ZNF544: variants seen among roughly 807,000 people sequenced by gnomAD.
ZNF544 encodes the protein zinc finger protein 544, also known as zinc finger protein AF020591.
ZNF544 carries 10 observed loss-of-function variants against 13.5 expected under a neutral mutation model. That is an observed-to-expected ratio of 0.74 (90% CI 0.46 to 1.25). ZNF544 has a LOEUF of 1.25. ZNF544 is among the 50% of genes most tolerant of loss of function. The pLI, the probability that ZNF544 is intolerant of heterozygous loss-of-function variation, is 0.00. For missense variants in ZNF544, 896 were observed against 845.6 expected, an observed-to-expected ratio of 1.06 and a Z score of -0.74; for synonymous variants, 323 against 300.5, an observed-to-expected ratio of 1.07 and a Z score of -0.77.
chr19:58,275,991 G>C (rs562887003), intron 5 of ZNF544, among the ~76,000 whole-genome samples: 5 of 152,052 alleles, frequency 3.3e-5, no homozygotes, highest in East Asian at 1.9e-4. Context: ...TTCAAGACCA[G>C]CCTGGGCAAC....
At chr19:58,237,922 G>C (rs918904591) in intron 3 of ZNF544, among the ~76,000 whole-genome samples, 7 of 152,182 alleles carry the variant, frequency 4.6e-5, no homozygotes, top group African/African-American at 1.7e-4. Flanking sequence ...ACTGACAGAC[G>C]TCACAAGGTC....
chr19:58,251,232 TTAAAG>T (rs1317520953), intron 6 of ZNF544: 2 of 499,338 alleles, frequency 4.0e-6, no homozygotes, highest in Non-Finnish European at 8.0e-6. Flanking sequence ...ATTATCCAGT[TTAAAG>T]TAACTAAGCA....
downstream of ZNF544, among the ~76,000 whole-genome samples, chr19:58,265,749 G>A (rs2049787150): frequency 6.6e-6 from 1 of 151,670 alleles, no homozygotes; most frequent in African/African-American, 2.4e-5. Context: ...GTGACATGAA[G>A]CCTGGCTAAA....
chr19:58,241,179 A>AAATATATATATATATTT (rs2043656946), intron 3 of ZNF544, among the ~76,000 whole-genome samples: 4 of 72,768 alleles, frequency 5.5e-5, no homozygotes, highest in African/African-American at 2.4e-4. Flanking sequence ...ATATATATAT[A>AAATATATATATATATTT]TTTTTTTTTT....
intron 6 of ZNF544, among the ~76,000 whole-genome samples, chr19:58,256,276 T>C (rs551109684): frequency 6.6e-6 from 1 of 152,128 alleles, no homozygotes; most frequent in Non-Finnish European, 1.5e-5. Context: ...TTGTGTTCTT[T>C]TACTTTTTTT....
At chr19:58,274,373 G>C (rs379075) in intron 5 of ZNF544, among the ~76,000 whole-genome samples, 47,550 of 151,912 alleles carry the variant, frequency 0.31, 8,833 homozygotes, top group Middle Eastern at 0.46. Flanking sequence ...CAGAAATTTG[G>C]AGACAGACAA....
intron 5 of ZNF544, chr19:58,276,246 G>A: frequency 1.5e-6 from 1 of 655,130 alleles, no homozygotes; most frequent in Non-Finnish European, 2.2e-6. Flanking sequence ...TTGCACACCT[G>A]CCCCTACCTC....
intron 4 of ZNF544, among the ~76,000 whole-genome samples, chr19:58,244,981 C>G (rs2044776230): frequency 6.6e-6 from 1 of 151,750 alleles, no homozygotes; most frequent in Admixed American, 6.6e-5. Context: ...CGGAGTCTCG[C>G]TCTGTTGCCC....
rs554573220 is a variant in ZNF544 at position 58,244,828 on chromosome 19, C to T, written c.33+772C>T. ...CTGGACTCAAGAGATGCTTCAGCCTCGGCCTCCCAAAGTGCTGGAATCACA... is the reference window on the plus strand; with the variant it reads ...CTGGACTCAAGAGATGCTTCAGCCTTGGCCTCCCAAAGTGCTGGAATCACA... On this transcript the variant is annotated intron_variant, in intron 4 of 6. Transcript: ENST00000687789. 7.2e-5 allele frequency among the ~76,000 whole-genome samples: 11 copies of T among 152,302 alleles called. No individual in the cohort carries two copies. The East Asian group carries it at 1.9e-3, about 27-fold the overall frequency.
chr19:58,274,162 T>C (rs532273669), intron 5 of ZNF544, among the ~76,000 whole-genome samples: 2 of 151,852 alleles, frequency 1.3e-5, no homozygotes, highest in East Asian at 3.9e-4. Context: ...CGGAAAAAAA[T>C]TAATATATTT....
chr19:58,260,981 G>A lies in ZNF544; in HGVS notation c.375G>A (p.Val125=). Residue 125 remains valine (V), a synonymous_variant, in exon 7 of 7, where the codon GTG becomes GTA. Coordinates refer to ENST00000687789, the MANE Select transcript of ZNF544 (RefSeq NM_014480.4). ...EEPPSLVLGK[V]QDQSNQLREH... ...CACCCTCTTTGGTATTAGGAAAAGT[G>A]CAAGATCAGAGCAACCAGTTAAGGG... 2 of 1,614,190 alleles carry A rather than the reference G, an allele frequency of 1.2e-6. No individual in the cohort carries two copies. Among genetic ancestry groups the A allele is most frequent in the South Asian group, 1.1e-5 (1 of 91,084 alleles).
rs1160431165 is a variant in ZNF544 at position 58,276,308 on chromosome 19, C to T, written c.245-15C>T. The T allele has an allele frequency of 2.5e-6, 3 of 1,222,702 alleles. No homozygotes were observed. The African/African-American group carries it at 4.7e-5, about 19-fold the overall frequency. The allele number at this position is 1,222,702 out of a possible 1,614,324, so 75.7% of individuals were successfully genotyped here. ...GGAAGGCAATAGATCCTCCTAGTAC[C>T]TTCTCTGCCTACAGAGAAGGGGATG... is the stretch of plus-strand genomic sequence containing the variant. On this transcript the variant is annotated splice_polypyrimidine_tract_variant and intron_variant, in intron 5 of 6. Transcript: ENST00000595981.
intron 6 of ZNF544, among the ~76,000 whole-genome samples, chr19:58,249,508 CA>C (rs2147196873): frequency 6.6e-6 from 1 of 152,222 alleles, no homozygotes; most frequent in East Asian, 1.9e-4. Flanking sequence ...GTCCAAAAAC[CA>C]AGGCAAGTAT....
chr19:58,266,246 C>T (rs369600433), downstream of ZNF544, among the ~76,000 whole-genome samples: 31 of 119,128 alleles, frequency 2.6e-4, no homozygotes, highest in South Asian at 2.0e-3. Flanking sequence ...GGGCTGTGTG[C>T]GGTGGCTCAC....
At chr19:58,244,870 C>T (rs1000245578) in intron 4 of ZNF544, among the ~76,000 whole-genome samples, 7 of 152,124 alleles carry the variant, frequency 4.6e-5, no homozygotes, top group South Asian at 2.1e-4. Flanking sequence ...AGCCACCATG[C>T]GCAGCCTCTT....
At chr19:58,247,092 T>C (rs1208574517) in intron 6 of ZNF544, among the ~76,000 whole-genome samples, 1 of 152,094 alleles carries the variant, frequency 6.6e-6, no homozygotes, top group Non-Finnish European at 1.5e-5. Flanking sequence ...TATGTATTTA[T>C]TTATTTATTT....
chr19:58,252,566 GA>G (rs775036885), intron 6 of ZNF544, among the ~76,000 whole-genome samples: 5 of 151,700 alleles, frequency 3.3e-5, no homozygotes, highest in Non-Finnish European at 7.4e-5. Context: ...TCAACAACCT[GA>G]ATCAACCTTT....
At position 58,261,377 on chromosome 19, in the gene ZNF544, T is replaced by C; in HGVS notation, c.771T>C (p.Leu257=). 1.2e-6 allele frequency: 2 copies of C among 1,614,148 alleles called. No homozygotes were observed. The highest frequency in any genetic ancestry group is 1.7e-6 in the Non-Finnish European group (2 of 1,180,020). The change falls in exon 7 of 7, where the codon CTT becomes CTC. Residue 257 remains leucine, a synonymous_variant. Coordinates refer to ENST00000687789, the MANE Select transcript of ZNF544 (RefSeq NM_014480.4). ...SGDSLNYGSS[L]CFHGRTFSVK... is the part of the protein sequence containing the mutation. ...ACTCTCTCAACTATGGTTCCTCCCT[T>C]TGTTTTCATGGTAGAACTTTTTCAG...
chr19:58,252,253 T>C (rs574753273), intron 6 of ZNF544, among the ~76,000 whole-genome samples: 3 of 152,198 alleles, frequency 2.0e-5, no homozygotes, highest in Non-Finnish European at 4.4e-5. Flanking sequence ...AAATCCATAT[T>C]CTCATGCCTT....
Sources: allele counts gnomAD v4.1 joint callset (sites outside exome capture counted in the v4.1 genomes callset), GRCh38; gene constraint gnomAD v4.1.1; transcripts MANE v1.5; gene names NCBI Gene and HGNC (gene_info 2026-07-23, HGNC 2026-07-21).